Variants in NHS observed in about 807,000 individuals in gnomAD.
NHS encodes actin remodeling regulator NHS.
Under a neutral mutation model 72.5 loss-of-function variants are expected in NHS, and 5 were observed. The observed-to-expected ratio is 0.07, with a 90% CI of 0.04 to 0.14. The LOEUF (loss-of-function observed/expected upper bound fraction) is 0.14. Among genes scored for constraint, NHS ranks in the 10% least tolerant of loss-of-function variants. NHS has a pLI of 1.00. For synonymous variants in NHS, 464 were observed against 547.7 expected (o/e 0.85, Z 2.13); for missense variants, 1,072 against 1,355.7 (o/e 0.79, Z 3.29).
chrX:17,683,275 G>C (rs991827218), intron 1 of NHS, among the ~76,000 whole-genome samples: 4 of 112,112 alleles, frequency 3.6e-5, no homozygotes, highest in South Asian at 3.7e-4. Flanking sequence ...GCACTTTCTG[G>C]AAGAGTCACT....
At chrX:17,573,639 C>T (rs1275831210) in intron 1 of NHS, among the ~76,000 whole-genome samples, 6 of 110,298 alleles carry the variant, frequency 5.4e-5, no homozygotes, top group Admixed American at 9.8e-5. Context: ...TCCTTCAGCT[C>T]GGAAAAGTTT....
chrX:17,505,495 C>T (rs757815797), intron 1 of NHS, among the ~76,000 whole-genome samples: 1 of 111,555 alleles, frequency 9.0e-6, no homozygotes, highest in Non-Finnish European at 1.9e-5. Flanking sequence ...TTTGCTCATC[C>T]GAAATAGCTG....
At chrX:17,608,671 C>CTT (rs774714519) in intron 1 of NHS, among the ~76,000 whole-genome samples, 1 of 99,802 alleles carries the variant, frequency 1.0e-5, no homozygotes, top group African/African-American at 3.6e-5. Context: ...AATGAAAAGA[C>CTT]TTTTTTTTTT....
intron 1 of NHS, among the ~76,000 whole-genome samples, chrX:17,436,165 A>T (rs978763869): frequency 9.0e-6 from 1 of 111,081 alleles, no homozygotes; most frequent in Non-Finnish European, 1.9e-5. Flanking sequence ...GTTTGTTTTT[A>T]AAAAAAACTT....
intron 1 of NHS, among the ~76,000 whole-genome samples, chrX:17,532,158 C>T (rs1167080826): frequency 8.9e-6 from 1 of 111,738 alleles, no homozygotes; most frequent in Non-Finnish European, 1.9e-5. Flanking sequence ...AAAATGAAAA[C>T]TTTTTAAAAT....
chrX:17,525,532 G>T (rs760425421), intron 1 of NHS, among the ~76,000 whole-genome samples: 23 of 110,069 alleles, frequency 2.1e-4, no homozygotes, highest in African/African-American at 7.6e-4. Flanking sequence ...TTTCTTTATT[G>T]ATTTTGGTTC....
chrX:17,536,749 C>T lies in NHS; in HGVS notation c.566-150993C>T, dbSNP rs111559367. Among the ~76,000 whole-genome samples the T allele has an allele frequency of 7.3e-3, 818 of 112,567 alleles. 7 individuals are homozygous for T. Among genetic ancestry groups the T allele is most frequent in the African/African-American group, 0.025 (780 of 30,952 alleles). ...CTCACTTATGCCACACACCTAACCA[C>T]TGTCTGACACGTAGGAAACTTTCTA... is the stretch of plus-strand genomic sequence containing the variant. On this transcript the variant is annotated intron_variant, in intron 1 of 8. Transcript: ENST00000676302.
intron 1 of NHS, among the ~76,000 whole-genome samples, chrX:17,619,111 A>G (rs2065760786): frequency 8.9e-6 from 1 of 112,387 alleles, no homozygotes; most frequent in Admixed American, 9.4e-5. Context: ...GTTATGACGA[A>G]TGAGATGTGA....
intron 1 of NHS, among the ~76,000 whole-genome samples, chrX:17,461,815 G>A (rs1460960794): frequency 8.9e-6 from 1 of 112,860 alleles, no homozygotes; most frequent in Non-Finnish European, 1.9e-5. Context: ...CACAGATCTG[G>A]CTTTTGGCTG....
chrX:17,641,494 C>G (rs1233212912), intron 1 of NHS, among the ~76,000 whole-genome samples: 2 of 112,078 alleles, frequency 1.8e-5, no homozygotes, highest in African/African-American at 6.5e-5. Context: ...CTTGGTCCAA[C>G]ATATCACGCT....
chrX:17,632,708 T>C (rs2147069058), intron 1 of NHS, among the ~76,000 whole-genome samples: 1 of 112,280 alleles, frequency 8.9e-6, no homozygotes, highest in East Asian at 2.8e-4. Context: ...TAATAAAAAT[T>C]ACTGTGCAGA....
chrX:17,564,693 T>C (rs975887966), intron 1 of NHS, among the ~76,000 whole-genome samples: 2 of 112,476 alleles, frequency 1.8e-5, no homozygotes, highest in Non-Finnish European at 3.8e-5. Flanking sequence ...CATGTCAAAT[T>C]GCCATTTTTT....
chrX:17,601,419 T>C (rs1319203925), intron 1 of NHS, among the ~76,000 whole-genome samples: 1 of 111,742 alleles, frequency 8.9e-6, no homozygotes, highest in Non-Finnish European at 1.9e-5. Context: ...AAAAGAACAT[T>C]ATTTTGTTCT....
chrX:17,630,823 C>T (rs1481107778), intron 1 of NHS, among the ~76,000 whole-genome samples: 1 of 111,788 alleles, frequency 8.9e-6, no homozygotes, highest in Non-Finnish European at 1.9e-5. Context: ...TGAATAGTCT[C>T]AAACCTGACT....
chrX:17,535,385 C>G (rs1224274962), intron 1 of NHS, among the ~76,000 whole-genome samples: 1 of 111,140 alleles, frequency 9.0e-6, no homozygotes, highest in Non-Finnish European at 1.9e-5. Flanking sequence ...CTAGTCACAA[C>G]CAAAAGCACC....
chrX:17,548,111 G>A (rs1569278582), intron 1 of NHS, among the ~76,000 whole-genome samples: 1 of 111,566 alleles, frequency 9.0e-6, no homozygotes, highest in East Asian at 2.8e-4. Context: ...GGACCCAAGG[G>A]CCATTCTGCA....
chrX:17,726,547 G>A lies in NHS; in HGVS notation c.2441G>A (p.Gly814Asp), dbSNP rs774305031. Residue 814 changes from glycine to aspartate, a missense_variant, in exon 7 of 9, where the codon GGT becomes GAT. Coordinates refer to ENST00000676302, the MANE Select transcript of NHS (RefSeq NM_001291867.2). ...YAALGPENGQ[G>D]VGASPGLPDC... The stretch of plus-strand genomic sequence containing the variant: ...GCCCTGGGCCCAGAGAATGGCCAGG[G>A]TGTAGGGGCTTCCCCTGGTCTTCCA... 1 of 1,212,085 alleles carries A rather than the reference G, an allele frequency of 8.3e-7. No individual in the cohort carries two copies. Among genetic ancestry groups the A allele is most frequent in the Non-Finnish European group, 1.1e-6 (1 of 895,622 alleles).
chrX:17,655,090 G>A (rs2147087424), intron 1 of NHS, among the ~76,000 whole-genome samples: 1 of 111,965 alleles, frequency 8.9e-6, no homozygotes, highest in African/African-American at 3.2e-5. Context: ...TGGGGGGAGG[G>A]GACGCAATGT....
Position 17,725,983 on chromosome X carries a change from A to G in NHS, c.1877A>G (p.Asp626Gly), listed in dbSNP as rs763696252. 1 of 1,211,549 alleles carries G rather than the reference A, an allele frequency of 8.3e-7. No individual in the cohort carries two copies. Among genetic ancestry groups the G allele is most frequent in the Non-Finnish European group, 1.1e-6 (1 of 895,448 alleles). ...AGCAGCCACATGGACCAGAAAGATG[A>G]CCACCAGTCATCCAGTGGCAACTGG... Reference protein sequence around the residue: ...LLSSHMDQKDDHQSSSGNWSG... With the variant: ...LLSSHMDQKDGHQSSSGNWSG... Residue 626 changes from aspartate to glycine, a missense_variant, in exon 7 of 9, where the codon GAC becomes GGC. Coordinates refer to ENST00000676302, the MANE Select transcript of NHS (RefSeq NM_001291867.2).
Sources: gnomAD v4.1 joint callset for allele counts (sites outside exome capture counted in the v4.1 genomes callset) on GRCh38, gnomAD v4.1.1 for gene constraint, MANE v1.5 for transcripts, NCBI Gene and HGNC (gene_info 2026-07-23, HGNC 2026-07-21) for gene names.